ZNF235: variants seen among roughly 807,000 people sequenced by gnomAD.
ZNF235 encodes the protein zinc finger protein 235.
In ZNF235, 25 loss-of-function variants were observed where a neutral mutation model predicts 29.4. The ratio of observed to expected loss-of-function variants is 0.85; its 90% confidence interval spans 0.62 to 1.19. The LOEUF is 1.19. Among genes scored for constraint, ZNF235 ranks in the 50% most tolerant of loss-of-function variants. The pLI is 0.00. For missense variants in ZNF235, 788 were observed against 885.0 expected, an observed-to-expected ratio of 0.89 and a Z score of 1.39; for synonymous variants, 300 against 295.3, an observed-to-expected ratio of 1.02 and a Z score of -0.16.
intron 2 of ZNF235, 84 bp from the exon 3 acceptor site, chr19:44,299,816 C>T: frequency 6.2e-7 from 1 of 1,601,362 alleles, no homozygotes; most frequent in East Asian, 2.2e-5. Context: ...AGTTACTATT[C>T]TTCCCCTTCC....
intron 4 of ZNF235, among the ~76,000 whole-genome samples, chr19:44,292,899 C>T (rs1975604013): frequency 6.6e-6 from 1 of 151,994 alleles, no homozygotes; most frequent in African/African-American, 2.4e-5. Flanking sequence ...TTGTAGAAAC[C>T]TTACAAGCCA....
At chr19:44,295,723 G>A (rs1378152869) in intron 4 of ZNF235, among the ~76,000 whole-genome samples, 5 of 151,970 alleles carry the variant, frequency 3.3e-5, no homozygotes, top group African/African-American at 9.7e-5. Context: ...AAACAGCATC[G>A]TACTGATATA....
chr19:44,291,795 G>C (rs545794383), intron 4 of ZNF235, among the ~76,000 whole-genome samples: 1 of 152,152 alleles, frequency 6.6e-6, no homozygotes, highest in South Asian at 2.1e-4. Flanking sequence ...GGCTTATAGG[G>C]CTTCATCCAT....
intron 2 of ZNF235, among the ~76,000 whole-genome samples, chr19:44,303,030 C>T (rs1233023609): frequency 1.6e-5 from 2 of 122,014 alleles, no homozygotes; most frequent in South Asian, 2.4e-4. Flanking sequence ...ATAAAATATA[C>T]GTATATATTG....
chr19:44,304,787 G>A, intron 1 of ZNF235, 184 bp downstream of exon 1: 1 of 985,444 alleles, frequency 1.0e-6, no homozygotes, highest in Non-Finnish European at 1.2e-6. Context: ...CTCGAAGGAC[G>A]ACGCGAGCCC....
intron 2 of ZNF235, among the ~76,000 whole-genome samples, chr19:44,301,384 G>C (rs1482512086): frequency 6.6e-6 from 1 of 152,118 alleles, no homozygotes; most frequent in Non-Finnish European, 1.5e-5. Context: ...CTGGTGAAGA[G>C]CAATGTGATT....
At position 44,287,881 on chromosome 19, in the gene ZNF235, G is replaced by A. The variant is rs2242145; in HGVS notation, c.1554C>T (p.Asn518=). Reference sequence around the variant, plus strand: ...TCTGACTGAAGCCTTTCCCACACACGTTGCATCGAAATGGTTTCTCTCCTG... The same window carrying A: ...TCTGACTGAAGCCTTTCCCACACACATTGCATCGAAATGGTTTCTCTCCTG... The part of the protein sequence containing the change: ...VHTGEKPFRC[N]VCGKGFSQSS... Residue 518 remains asparagine, a synonymous_variant, in exon 5 of 5, where the codon AAC becomes AAT. Transcript: ENST00000291182. 53 of 1,612,366 alleles carry A rather than the reference G, an allele frequency of 3.3e-5. No homozygotes were observed. Among genetic ancestry groups the A allele is most frequent in the East Asian group, 4.5e-5 (2 of 44,744 alleles).
intron 4 of ZNF235, among the ~76,000 whole-genome samples, chr19:44,293,641 G>A (rs1487277010): frequency 1.3e-5 from 2 of 152,012 alleles, no homozygotes; most frequent in East Asian, 1.9e-4. Flanking sequence ...AGTGCATGGA[G>A]CATTCTCCAA....
At chr19:44,289,439 G>T in intron 4 of ZNF235, 1 of 407,766 alleles carries the variant, frequency 2.5e-6, no homozygotes, top group Non-Finnish European at 4.3e-6. Flanking sequence ...GTGTATCTTG[G>T]GTCTTTTCTG....
At position 44,287,156 on chromosome 19, in the gene ZNF235, G is replaced by C; in HGVS notation, c.*62C>G. On this transcript the variant is annotated 3_prime_UTR_variant, in exon 5 of 5. Transcript: ENST00000291182. ...AGGAACTTTTCACAATCATCAGCAT[G>C]GACTTCCCAACGGAGACAAAGATGT... The C allele has an allele frequency of 1.4e-6, 2 of 1,480,856 alleles. No individual in the cohort carries two copies. The highest frequency in any genetic ancestry group is 1.4e-5 in the South Asian group (1 of 69,806). 91.7% of individuals were successfully genotyped at this position (1,480,856 alleles called of 1,614,324 possible).
chr19:44,302,842 A>T (rs909104659), intron 2 of ZNF235, among the ~76,000 whole-genome samples: 1 of 139,102 alleles, frequency 7.2e-6, no homozygotes, highest in Non-Finnish European at 1.5e-5. Context: ...CTATATACTT[A>T]TATATGAGTA....
At chr19:44,296,113 T>C (rs1286564263) in intron 4 of ZNF235, among the ~76,000 whole-genome samples, 1 of 152,126 alleles carries the variant, frequency 6.6e-6, no homozygotes, top group Non-Finnish European at 1.5e-5. Context: ...AATAAATACA[T>C]ATGAGCCCAT....
chr19:44,298,467 C>A (rs1265289932), intron 4 of ZNF235, among the ~76,000 whole-genome samples: 1 of 151,850 alleles, frequency 6.6e-6, no homozygotes, highest in African/African-American at 2.4e-5. Context: ...CAGATCTCAG[C>A]TCACTGCAAC....
chr19:44,299,792 A>C, intron 2 of ZNF235, 60 bp from the exon 3 acceptor site: 2 of 1,611,018 alleles, frequency 1.2e-6, no homozygotes, highest in Non-Finnish European at 1.7e-6. Flanking sequence ...GCACCTAAGC[A>C]ACTCTTTCTG....
rs144837895 is a variant in ZNF235 at position 44,288,498 on chromosome 19, G to T, written c.937C>A (p.Arg313Ser). ...CACCAATAGCGTTTTTTCCCAGTACGAACACTTTGTTGAACAGGAATACCT... is the reference window on the plus strand; with the variant it reads ...CACCAATAGCGTTTTTTCCCAGTACTAACACTTTGTTGAACAGGAATACCT... ...SSGIPVQQSV[R>S]TGKKRYWCHE... The change falls in exon 5 of 5, where the codon CGT becomes AGT. Residue 313 changes from arginine (R) to serine (S), a missense_variant. Arg to Ser is a moderately radical substitution (Grantham distance 110). Transcript: ENST00000291182. 1 of 1,614,078 alleles carries T rather than the reference G, an allele frequency of 6.2e-7. No homozygotes were observed. The highest frequency in any genetic ancestry group is 1.7e-5 in the Admixed American group (1 of 60,004).
intron 2 of ZNF235, among the ~76,000 whole-genome samples, chr19:44,302,495 T>C (rs1975752032): frequency 6.6e-6 from 1 of 152,012 alleles, no homozygotes; most frequent in Non-Finnish European, 1.5e-5. Flanking sequence ...GTGAGAGTTG[T>C]TTTCCATTTA....
chr19:44,299,561 G>A, intron 3 of ZNF235, 45 bp downstream of exon 3: 3 of 1,608,940 alleles, frequency 1.9e-6, no homozygotes, highest in Non-Finnish European at 2.5e-6. Flanking sequence ...CAATGGCATG[G>A]AGGTTGAGAA....
chr19:44,301,081 T>C (rs1307988635), intron 2 of ZNF235, among the ~76,000 whole-genome samples: 1 of 152,180 alleles, frequency 6.6e-6, no homozygotes, highest in Non-Finnish European at 1.5e-5. Context: ...GATCTGATAT[T>C]ACTTTTCTTC....
chr19:44,300,696 T>A (rs1975723655), intron 2 of ZNF235, among the ~76,000 whole-genome samples: 1 of 151,822 alleles, frequency 6.6e-6, no homozygotes, highest in South Asian at 2.1e-4. Flanking sequence ...AAAAATTAGT[T>A]GGGCATGATG....
Sources: gnomAD v4.1 joint callset for allele counts (sites outside exome capture counted in the v4.1 genomes callset) on GRCh38, gnomAD v4.1.1 for gene constraint, MANE v1.5 for transcripts, NCBI Gene and HGNC (gene_info 2026-07-23, HGNC 2026-07-21) for gene names.